The following DSCAM variants were observed in gnomAD, a reference collection of about 807,000 sequenced individuals.
DSCAM encodes the protein DS cell adhesion molecule, also known as cell adhesion molecule DSCAM.
In DSCAM, 47 loss-of-function variants were observed where a neutral mutation model predicts 217.7. The observed-to-expected ratio is 0.22, with a 90% CI of 0.17 to 0.28. The LOEUF is 0.28. DSCAM is among the 10% of genes least tolerant of loss of function. DSCAM has a pLI of 1.00. For synonymous variants in DSCAM, 1,056 were observed against 1,015.3 expected, an observed-to-expected ratio of 1.04 and a Z score of -0.76; for missense variants, 2,080 against 2,618.3, an observed-to-expected ratio of 0.79 and a Z score of 4.49.
Position 40,734,273 on chromosome 21 carries a change from C to T in DSCAM, c.44-25502G>A, listed in dbSNP as rs147092285. On this transcript the variant is annotated intron_variant, in intron 1 of 32. Coordinates refer to ENST00000400454, the MANE Select transcript of DSCAM (RefSeq NM_001389.5). ...AACAGCATCTACAGAGATCAAGCTACGGGGCTACAAGAGGAGAGCAGGAGG... is the reference window on the plus strand; with the variant it reads ...AACAGCATCTACAGAGATCAAGCTATGGGGCTACAAGAGGAGAGCAGGAGG... Among the ~76,000 whole-genome samples, 1,479 of 152,166 alleles carry T rather than the reference C, an allele frequency of 9.7e-3. 23 individuals carry two copies. The highest frequency in any genetic ancestry group is 0.034 in the African/African-American group (1,419 of 41,514).
At chr21:40,658,187 G>T (rs1321849674) in intron 3 of DSCAM, among the ~76,000 whole-genome samples, 1 of 152,064 alleles carries the variant, frequency 6.6e-6, no homozygotes, top group East Asian at 1.9e-4. Flanking sequence ...TTAGTTAGAG[G>T]CTGGCTCATT....
chr21:40,711,053 C>G (rs563052502), intron 1 of DSCAM, among the ~76,000 whole-genome samples: 2 of 150,554 alleles, frequency 1.3e-5, no homozygotes, highest in South Asian at 4.2e-4. Flanking sequence ...GTCACTTGAG[C>G]AAGAACGCAG....
chr21:40,419,281 C>A (rs2075401210), intron 3 of DSCAM, among the ~76,000 whole-genome samples: 1 of 152,022 alleles, frequency 6.6e-6, no homozygotes, highest in East Asian at 1.9e-4. Flanking sequence ...ACACCCAGCC[C>A]AGAAAATATT....
At chr21:40,368,958 T>G in intron 4 of DSCAM, 141 bp downstream of exon 4, 1 of 951,236 alleles carries the variant, frequency 1.1e-6, no homozygotes, top group Non-Finnish European at 1.4e-6. Flanking sequence ...TTTAAAAGAG[T>G]TTTAAAATTC....
chr21:40,723,425 T>C (rs957304029), intron 1 of DSCAM, among the ~76,000 whole-genome samples: 23 of 152,208 alleles, frequency 1.5e-4, no homozygotes, highest in African/African-American at 5.1e-4. Flanking sequence ...CCTTTCATAC[T>C]AGACACCGTG....
intron 3 of DSCAM, among the ~76,000 whole-genome samples, chr21:40,554,491 G>T (rs996859129): frequency 1.3e-5 from 2 of 152,108 alleles, no homozygotes; most frequent in Non-Finnish European, 2.9e-5. Flanking sequence ...CAATTTTGGG[G>T]AAATGAGCCA....
chr21:40,205,161 G>A (rs1257273988), intron 11 of DSCAM, among the ~76,000 whole-genome samples: 1 of 152,216 alleles, frequency 6.6e-6, no homozygotes, highest in Non-Finnish European at 1.5e-5. Context: ...CCTCCCAGGG[G>A]AGACGAACAG....
chr21:40,386,530 CAG>C (rs1308732037), intron 3 of DSCAM, among the ~76,000 whole-genome samples: 1 of 152,192 alleles, frequency 6.6e-6, no homozygotes. Context: ...CAGCGTGGCA[CAG>C]AGAGCTCCAC....
intron 3 of DSCAM, among the ~76,000 whole-genome samples, chr21:40,518,628 A>G (rs2076334054): frequency 7.8e-6 from 1 of 128,440 alleles, no homozygotes; most frequent in East Asian, 2.2e-4. Context: ...ATATATACAT[A>G]CACACACATA....
intron 3 of DSCAM, among the ~76,000 whole-genome samples, chr21:40,399,269 CACAAAACAAAACAAAACAAA>C (rs74879612): frequency 2.7e-5 from 4 of 150,308 alleles, no homozygotes; most frequent in Admixed American, 1.3e-4. Flanking sequence ...GACCCTGTCT[CACAAAACAAAACAAAACAAA>C]ACAAAACAAA....
intron 15 of DSCAM, among the ~76,000 whole-genome samples, chr21:40,171,845 C>T: frequency 6.6e-6 from 1 of 152,002 alleles, no homozygotes; most frequent in Non-Finnish European, 1.5e-5. Flanking sequence ...GCCAATGATG[C>T]CTATAAAATT....
At chr21:40,290,389 G>A (rs968211516) in intron 10 of DSCAM, among the ~76,000 whole-genome samples, 5 of 152,148 alleles carry the variant, frequency 3.3e-5, no homozygotes, top group African/African-American at 4.8e-5. Flanking sequence ...TTGGGAGACC[G>A]AGTTGGGTGG....
At chr21:40,336,746 T>A (rs13048699) in intron 8 of DSCAM, among the ~76,000 whole-genome samples, 1 of 152,206 alleles carries the variant, frequency 6.6e-6, no homozygotes, top group Non-Finnish European at 1.5e-5. Flanking sequence ...TATTCACTTG[T>A]TTTATTTGTT....
At chr21:40,327,580 CA>C (rs1279543893) in intron 8 of DSCAM, among the ~76,000 whole-genome samples, 1 of 150,026 alleles carries the variant, frequency 6.7e-6, no homozygotes, top group Non-Finnish European at 1.5e-5. Flanking sequence ...CTTCCAGTGA[CA>C]TGTTGAATGG....
intron 3 of DSCAM, among the ~76,000 whole-genome samples, chr21:40,372,178 C>T (rs1033331648): frequency 2.0e-5 from 3 of 152,200 alleles, no homozygotes; most frequent in African/African-American, 7.2e-5. Flanking sequence ...ATTTTAACTG[C>T]TCCCTAACTT....
chr21:40,554,277 A>C (rs2076653864), intron 3 of DSCAM, among the ~76,000 whole-genome samples: 1 of 152,062 alleles, frequency 6.6e-6, no homozygotes, highest in South Asian at 2.1e-4. Context: ...CAAACAATAA[A>C]ATTAGACTGC....
At chr21:40,689,349 C>G (rs947028324) in intron 3 of DSCAM, among the ~76,000 whole-genome samples, 1 of 152,224 alleles carries the variant, frequency 6.6e-6, no homozygotes, top group African/African-American at 2.4e-5. Context: ...CTCCGACCTT[C>G]CCAGGGGATC....
At chr21:40,303,860 C>T (rs993835648) in intron 9 of DSCAM, among the ~76,000 whole-genome samples, 3 of 152,124 alleles carry the variant, frequency 2.0e-5, no homozygotes, top group African/African-American at 7.2e-5. Context: ...AGCCAGAAAC[C>T]ATTGACCCAT....
intron 3 of DSCAM, among the ~76,000 whole-genome samples, chr21:40,516,888 CAT>C (rs55695954): frequency 0.11 from 16,004 of 142,992 alleles, 1,711 homozygotes; most frequent in African/African-American, 0.29. Flanking sequence ...ACACACACAC[CAT>C]ATATATATAT....
Sources: gnomAD v4.1 joint callset for allele counts (sites outside exome capture counted in the v4.1 genomes callset) on GRCh38, gnomAD v4.1.1 for gene constraint, MANE v1.5 for transcripts, NCBI Gene and HGNC (gene_info 2026-07-23, HGNC 2026-07-21) for gene names.